The following IL10RB variants were observed in gnomAD, a reference collection of about 807,000 sequenced individuals.
The protein encoded by IL10RB is interleukin 10 receptor subunit beta, also known as interleukin-10 receptor subunit beta.
A neutral mutation model predicts 38.7 loss-of-function variants in IL10RB; 30 were observed. The ratio of observed to expected loss-of-function variants is 0.78; its 90% CI spans 0.58 to 1.05. The LOEUF is 1.05. IL10RB is among the 50% of genes least tolerant of loss of function. The pLI is 0.00. For synonymous variants in IL10RB, 142 were observed against 145.9 expected, an observed-to-expected ratio of 0.97 and a Z score of 0.19; for missense variants, 328 against 397.1, an observed-to-expected ratio of 0.83 and a Z score of 1.48.
At chr21:33,296,074 A>C (rs1310046284) in intron 6 of IL10RB, 110 bp from the exon 7 acceptor site, 1 of 741,670 alleles carries the variant, frequency 1.3e-6, no homozygotes. Flanking sequence ...AAAAATAAAT[A>C]AATAAAATAA....
At chr21:33,279,487 C>T (rs8178487) in intron 3 of IL10RB, among the ~76,000 whole-genome samples, 5,081 of 152,162 alleles carry the variant, frequency 0.033, 278 homozygotes, top group African/African-American at 0.11. Flanking sequence ...TACAAAATAG[C>T]GTAGCTGGAA....
In IL10RB at chr21:33,279,852, T is replaced by A. The variant is rs539389729; in HGVS notation, c.432T>A (p.Thr144=). ...TTGAGAATGAATACGAAACTTGGAC[T>A]ATGAAGAATGTGTATAACTCATGGA... ...PKIENEYETW[T]MKNVYNSWTY... is the part of the protein sequence containing the mutation. Residue 144 remains threonine, a synonymous_variant, in exon 4 of 7, where the codon ACT becomes ACA. Coordinates refer to ENST00000290200, the MANE Select transcript of IL10RB (RefSeq NM_000628.5). The A allele has an allele frequency of 5.0e-6, 8 of 1,613,748 alleles. No homozygotes were observed. The East Asian group carries it at 1.8e-4, about 36-fold the overall frequency.
chr21:33,270,041 T>A (rs1989047922), intron 2 of IL10RB, among the ~76,000 whole-genome samples: 1 of 152,212 alleles, frequency 6.6e-6, no homozygotes, highest in South Asian at 2.1e-4. Flanking sequence ...TATTTCACTG[T>A]GTATTTCACA....
chr21:33,270,063 A>C (rs1989048075), intron 2 of IL10RB, among the ~76,000 whole-genome samples: 1 of 152,208 alleles, frequency 6.6e-6, no homozygotes, highest in South Asian at 2.1e-4. Context: ...GAACAAGGAT[A>C]ATCTCTTACA....
intron 2 of IL10RB, among the ~76,000 whole-genome samples, chr21:33,270,824 G>A (rs932895490): frequency 2.0e-5 from 3 of 152,006 alleles, no homozygotes; most frequent in Non-Finnish European, 4.4e-5. Context: ...ACAAGCACAT[G>A]CCACCGTGCC....
Position 33,288,381 on chromosome 21 carries a change from GCACA to G in IL10RB, c.804+141_804+144del, listed in dbSNP as rs59480844. The G allele has an allele frequency of 4.1e-3, 2,241 of 544,344 alleles. 10 individuals are homozygous for G. Among genetic ancestry groups the G allele is most frequent in the African/African-American group, 0.036 (1,132 of 31,038 alleles). 33.7% of individuals were successfully genotyped at this position (544,344 alleles called of 1,614,324 possible). ...TCCAGGAAAACACACACGCGCGCGCGCACACACACACACACACACACACAGACAC... is the reference window on the plus strand; with the variant it reads ...TCCAGGAAAACACACACGCGCGCGCGCACACACACACACACACACAGACAC... On this transcript the variant is annotated intron_variant, in intron 6 of 6. Coordinates refer to ENST00000290200, the MANE Select transcript of IL10RB (RefSeq NM_000628.5).
chr21:33,306,539 T>C (rs1380076572), intron 1 of IL10RB, among the ~76,000 whole-genome samples: 2 of 152,160 alleles, frequency 1.3e-5, no homozygotes, highest in South Asian at 2.1e-4. Context: ...CTGAGCAGAA[T>C]GTGAATTTAC....
intron 5 of IL10RB, 82 bp downstream of exon 5, chr21:33,283,323 A>C: frequency 7.3e-7 from 1 of 1,377,126 alleles, no homozygotes; most frequent in South Asian, 1.2e-5. Context: ...ATCCAACTCA[A>C]ATTCCAGCTC....
At chr21:33,285,726 C>T (rs1474060988) in intron 5 of IL10RB, among the ~76,000 whole-genome samples, 1 of 152,210 alleles carries the variant, frequency 6.6e-6, no homozygotes, top group East Asian at 1.9e-4. Context: ...AATGAGTCTC[C>T]GGGCGCCAAA....
chr21:33,275,152 C>CTTTTTTTTTTTTTTTTTTTTT (rs71320298), intron 2 of IL10RB, among the ~76,000 whole-genome samples: 1 of 102,308 alleles, frequency 9.8e-6, no homozygotes, highest in African/African-American at 3.7e-5. Context: ...TCCAACTTTT[C>CTTTTTTTTTTTTTTTTTTTTT]TTTTTTTTTT....
At chr21:33,305,291 A>G (rs1421302650) in intron 1 of IL10RB, among the ~76,000 whole-genome samples, 1 of 151,618 alleles carries the variant, frequency 6.6e-6, no homozygotes, top group Non-Finnish European at 1.5e-5. Flanking sequence ...TTTTCTTTTT[A>G]TAGAGACAGG....
At chr21:33,275,445 C>T (rs2123571942) in intron 2 of IL10RB, among the ~76,000 whole-genome samples, 1 of 152,258 alleles carries the variant, frequency 6.6e-6, no homozygotes, top group South Asian at 2.1e-4. Flanking sequence ...CGTGAGCCAC[C>T]ACACCCAGCC....
intron 3 of IL10RB, among the ~76,000 whole-genome samples, chr21:33,277,136 T>C (rs1989186319): frequency 6.6e-6 from 1 of 152,010 alleles, no homozygotes; most frequent in African/African-American, 2.4e-5. Flanking sequence ...TGAAGGCAGA[T>C]GTAGAGATGG....
chr21:33,277,415 A>G (rs1258175465), intron 3 of IL10RB, among the ~76,000 whole-genome samples: 3 of 152,152 alleles, frequency 2.0e-5, no homozygotes, highest in African/African-American at 7.2e-5. Flanking sequence ...TGAGATGAGC[A>G]TATTTAGAAT....
intron 5 of IL10RB, among the ~76,000 whole-genome samples, chr21:33,285,300 T>G (rs1040697760): frequency 6.6e-5 from 10 of 152,228 alleles, no homozygotes; most frequent in African/African-American, 2.2e-4. Flanking sequence ...GAACACAGGC[T>G]CATTCATCTA....
intron 2 of IL10RB, among the ~76,000 whole-genome samples, chr21:33,272,548 G>A (rs1041064477): frequency 6.6e-6 from 1 of 152,220 alleles, no homozygotes; most frequent in African/African-American, 2.4e-5. Flanking sequence ...CCAGGCTCAA[G>A]CGAGCTTCCC....
intron 3 of IL10RB, 70 bp downstream of exon 3, chr21:33,276,823 TC>T: frequency 7.5e-7 from 1 of 1,331,644 alleles, no homozygotes; most frequent in Non-Finnish European, 1.1e-6. Context: ...CATTGGTTGG[TC>T]CATCAACAAG....
At chr21:33,279,163 A>G (rs1989234925) in intron 3 of IL10RB, among the ~76,000 whole-genome samples, 1 of 152,264 alleles carries the variant, frequency 6.6e-6, no homozygotes, top group Admixed American at 6.5e-5. Flanking sequence ...ACTTCTACAT[A>G]GAATGGTAAG....
chr21:33,274,168 C>CTTTAT (rs1206484277), intron 2 of IL10RB, among the ~76,000 whole-genome samples: 1 of 152,048 alleles, frequency 6.6e-6, no homozygotes, highest in Non-Finnish European at 1.5e-5. Flanking sequence ...AAATATATTT[C>CTTTAT]TTTATTTTAT....
Sources: allele counts gnomAD v4.1 joint callset (sites outside exome capture counted in the v4.1 genomes callset), GRCh38; gene constraint gnomAD v4.1.1; transcripts MANE v1.5; gene names NCBI Gene and HGNC (gene_info 2026-07-23, HGNC 2026-07-21).